Variants in NALF1 observed in about 807,000 individuals in gnomAD.
NALF1 encodes the protein family with sequence similarity 155 member A.
NALF1 carries 3 observed loss-of-function variants against 48.4 expected under a neutral mutation model. That is an observed-to-expected ratio of 0.06 (90% CI 0.03 to 0.16). NALF1 has a LOEUF of 0.16. Ranked by LOEUF, NALF1 falls within the 10% of genes least tolerant of loss-of-function variation. The pLI, the probability that NALF1 is intolerant of heterozygous loss-of-function variation, is 1.00. For synonymous variants in NALF1, 262 were observed against 245.7 expected (o/e 1.07, Z -0.62); for missense variants, 526 against 571.5 (o/e 0.92, Z 0.81).
intron 1 of NALF1, among the ~76,000 whole-genome samples, chr13:107,273,052 T>C (rs1881208066): frequency 6.6e-6 from 1 of 152,166 alleles, no homozygotes; most frequent in African/African-American, 2.4e-5. Flanking sequence ...ACTCACATCT[T>C]CCCCTGTCTC....
chr13:107,390,720 AAG>A lies in NALF1; in HGVS notation c.916-179967_916-179966del, dbSNP rs572484420. On this transcript the variant is annotated intron_variant, in intron 1 of 2. Coordinates refer to ENST00000375915, the MANE Select transcript of NALF1 (RefSeq NM_001080396.3). ...TGGACAATGCTGTCATTTCACAGATAAGAGAGGGACGGCACAGAGAGATAAAG... is the reference window on the plus strand; with the variant it reads ...TGGACAATGCTGTCATTTCACAGATAAGAGGGACGGCACAGAGAGATAAAG... Among the ~76,000 whole-genome samples, 302 of 152,256 alleles carry A rather than the reference AAG, an allele frequency of 2.0e-3. 1 individual carries two copies. The highest frequency in any genetic ancestry group is 6.4e-3 in the African/African-American group (267 of 41,534).
chr13:107,232,124 A>T (rs983483544), intron 1 of NALF1, among the ~76,000 whole-genome samples: 1 of 152,240 alleles, frequency 6.6e-6, no homozygotes, highest in African/African-American at 2.4e-5. Context: ...TCAATCCTGC[A>T]AATGACAGCA....
intron 1 of NALF1, among the ~76,000 whole-genome samples, chr13:107,526,566 T>C (rs1876451485): frequency 6.6e-6 from 1 of 152,068 alleles, no homozygotes; most frequent in African/African-American, 2.4e-5. Context: ...TAATGACAAA[T>C]AAGGTTACTG....
intron 1 of NALF1, among the ~76,000 whole-genome samples, chr13:107,377,907 C>T (rs1883365702): frequency 6.6e-6 from 1 of 152,136 alleles, no homozygotes; most frequent in Non-Finnish European, 1.5e-5. Context: ...AGAAATGAAA[C>T]CAGCCATTGT....
At chr13:107,825,299 C>G (rs1879479959) in intron 1 of NALF1, among the ~76,000 whole-genome samples, 1 of 152,094 alleles carries the variant, frequency 6.6e-6, no homozygotes, top group Admixed American at 6.5e-5. Context: ...ACTAAAATAT[C>G]TTGTGTCTCT....
intron 1 of NALF1, among the ~76,000 whole-genome samples, chr13:107,429,245 C>T (rs1884333348): frequency 6.6e-6 from 1 of 151,800 alleles, no homozygotes. Context: ...TTGCCTGAAC[C>T]CGGGACATGG....
intron 1 of NALF1, among the ~76,000 whole-genome samples, chr13:107,264,147 T>C (rs1254262908): frequency 6.6e-6 from 1 of 152,254 alleles, no homozygotes; most frequent in Non-Finnish European, 1.5e-5. Context: ...TGTGTTATAA[T>C]TTTTATTTTC....
intron 1 of NALF1, among the ~76,000 whole-genome samples, chr13:107,659,857 C>A (rs1442926401): frequency 1.3e-5 from 2 of 150,984 alleles, no homozygotes; most frequent in African/African-American, 4.9e-5. Context: ...GTTGCCCAGG[C>A]TGGAGTGCAG....
In NALF1 at chr13:107,180,465, G is replaced by A. The variant is rs79572916; in HGVS notation, c.1088-9679C>T. Among the ~76,000 whole-genome samples the A allele has an allele frequency of 4.9e-3, 747 of 152,046 alleles. 5 individuals are homozygous for A. The highest frequency in any genetic ancestry group is 0.016 in the African/African-American group (676 of 41,532). ...TTTGACATAGAGTCCAAGAATATAT[G>A]AGACAAAATTTTCAAATGTTTAAAT... On this transcript the variant is annotated intron_variant, in intron 2 of 2. Transcript: ENST00000375915.
intron 1 of NALF1, among the ~76,000 whole-genome samples, chr13:107,224,808 TAGAAA>T (rs1193302330): frequency 3.9e-5 from 6 of 152,242 alleles, no homozygotes; most frequent in South Asian, 2.1e-4. Flanking sequence ...GTTTAAAAAT[TAGAAA>T]AGAAATTAGT....
intron 1 of NALF1, among the ~76,000 whole-genome samples, chr13:107,512,020 T>C (rs567408659): frequency 6.6e-6 from 1 of 152,318 alleles, no homozygotes; most frequent in South Asian, 2.1e-4. Flanking sequence ...GTAATGTTAG[T>C]ACATTTGGTT....
At chr13:107,451,399 A>C (rs1461812866) in intron 1 of NALF1, among the ~76,000 whole-genome samples, 1 of 152,212 alleles carries the variant, frequency 6.6e-6, no homozygotes, top group African/African-American at 2.4e-5. Context: ...CCTTTATAAT[A>C]AAACATTGTG....
chr13:107,760,738 C>T (rs2138561039), intron 1 of NALF1, among the ~76,000 whole-genome samples: 1 of 152,294 alleles, frequency 6.6e-6, no homozygotes, highest in South Asian at 2.1e-4. Flanking sequence ...AAGGTGTTAG[C>T]ATTCGGTAAC....
chr13:107,720,232 C>A (rs1419653346), intron 1 of NALF1, among the ~76,000 whole-genome samples: 3 of 152,224 alleles, frequency 2.0e-5, no homozygotes, highest in African/African-American at 7.2e-5. Flanking sequence ...GCATAGTTGG[C>A]TGGGCACGGT....
chr13:107,671,842 G>A (rs1380165678), intron 1 of NALF1, among the ~76,000 whole-genome samples: 1 of 152,116 alleles, frequency 6.6e-6, no homozygotes, highest in Non-Finnish European at 1.5e-5. Context: ...ACTGTCCTAT[G>A]CCTGGAAGAA....
At chr13:107,739,620 T>C (rs986551262) in intron 1 of NALF1, among the ~76,000 whole-genome samples, 1 of 151,976 alleles carries the variant, frequency 6.6e-6, no homozygotes, top group Non-Finnish European at 1.5e-5. Context: ...ATCCCGAACA[T>C]ACAAAGTATA....
Position 107,804,652 on chromosome 13 carries a change from C to T in NALF1, c.915+61030G>A, listed in dbSNP as rs940981778. ...GTTCTTTTTCCCCACAGGAGAATAT[C>T]GGCACACTGTCACACTCTTCTCAGT... On this transcript the variant is annotated intron_variant, in intron 1 of 2. Transcript: ENST00000375915. Among the ~76,000 whole-genome samples, 3 of 152,206 alleles carry T rather than the reference C, an allele frequency of 2.0e-5. No homozygotes were observed. In the East Asian group the frequency reaches 5.8e-4, roughly 30 times the overall value.
chr13:107,616,800 T>C (rs1212607803), intron 1 of NALF1, among the ~76,000 whole-genome samples: 1 of 152,142 alleles, frequency 6.6e-6, no homozygotes, highest in Non-Finnish European at 1.5e-5. Flanking sequence ...GCATTGAGCA[T>C]GGCCAGCAAC....
At chr13:107,744,407 A>G (rs1211522882) in intron 1 of NALF1, among the ~76,000 whole-genome samples, 1 of 152,224 alleles carries the variant, frequency 6.6e-6, no homozygotes, top group Non-Finnish European at 1.5e-5. Flanking sequence ...GTGTTTTAAA[A>G]AAAAATGATA....
Sources: gnomAD v4.1 joint callset for allele counts (sites outside exome capture counted in the v4.1 genomes callset) on GRCh38, gnomAD v4.1.1 for gene constraint, MANE v1.5 for transcripts, NCBI Gene and HGNC (gene_info 2026-07-23, HGNC 2026-07-21) for gene names.